Variants in SLITRK6 observed in about 807,000 individuals in gnomAD.
SLITRK6 encodes the protein SLIT and NTRK like family member 6, also known as SLIT and NTRK-like protein 6.
SLITRK6 carries 35 observed loss-of-function variants against 55.6 expected under a neutral mutation model. The ratio of observed to expected loss-of-function variants is 0.63; its 90% CI spans 0.48 to 0.83. The LOEUF is 0.83. Among genes scored for constraint, SLITRK6 ranks in the 40% least tolerant of loss-of-function variants. SLITRK6 has a pLI of 0.00. For missense variants in SLITRK6, 977 were observed against 986.4 expected (o/e 0.99, Z 0.13); for synonymous variants, 392 against 359.6 (o/e 1.09, Z -1.02).
chr13:85,796,122 C>T lies in SLITRK6; in HGVS notation c.387G>A (p.Glu129=), dbSNP rs757396044. The part of the protein sequence containing the change: ...INHNSLEILK[E]DTFHGLENLE... ...GGTTTTCCAGTCCATGGAAAGTATC[C>T]TCTTTAAGAATTTCTAAAGAATTGT... Residue 129 remains glutamate (E), a synonymous_variant, in exon 2 of 2, where the codon GAG becomes GAA. Transcript: ENST00000647374. 5 of 1,612,108 alleles carry T rather than the reference C, an allele frequency of 3.1e-6. No homozygotes were observed. The highest frequency in any genetic ancestry group is 4.2e-6 in the Non-Finnish European group (5 of 1,179,276).
In SLITRK6 at chr13:85,796,447, T is replaced by C; in HGVS notation, c.62A>G (p.Gln21Arg). Residue 21 changes from glutamine (Q) to arginine (R), a missense_variant, in exon 2 of 2, where the codon CAA (glutamine) becomes CGA (arginine). Coordinates refer to ENST00000647374, the MANE Select transcript of SLITRK6 (RefSeq NM_032229.3). ...GCCTCTGGATGAGAGCACTGGAGTT[T>C]GGGAGTGTAAAGATATACAGGCAAG... Reference protein sequence around the residue: ...SLLACISLHSQTPVLSSRGSC... With the variant: ...SLLACISLHSRTPVLSSRGSC... The C allele has an allele frequency of 6.2e-7, 1 of 1,604,310 alleles. No individual in the cohort carries two copies.
Position 85,795,004 on chromosome 13 carries a change from ATAT to A in SLITRK6, c.1502_1504del (p.Asn501del). ...GGTTAGCAAATCAAGATCATCCAAAATATTACTTACAGGTAGATGGGTAAACTG... is the reference window on the plus strand; with the variant it reads ...GGTTAGCAAATCAAGATCATCCAAAATACTTACAGGTAGATGGGTAAACTG... On this transcript the variant is annotated inframe_deletion, in exon 2 of 2. Transcript: ENST00000647374. 6 of 1,613,050 alleles carry A rather than the reference ATAT, an allele frequency of 3.7e-6. No homozygotes were observed. Among genetic ancestry groups the A allele is most frequent in the Non-Finnish European group, 5.1e-6 (6 of 1,179,430 alleles).
In SLITRK6 at chr13:85,793,758, A is replaced by G. The variant is rs964131231; in HGVS notation, c.*225T>C. 1.0e-4 allele frequency: 46 copies of G among 440,208 alleles called. No homozygotes were observed. Among genetic ancestry groups the G allele is most frequent in the Middle Eastern group, 6.1e-4 (1 of 1,640 alleles). The allele number at this position is 440,208 out of a possible 1,614,324, so 27.3% of individuals were successfully genotyped here. On this transcript the variant is annotated 3_prime_UTR_variant, in exon 2 of 2. Coordinates refer to ENST00000647374, the MANE Select transcript of SLITRK6 (RefSeq NM_032229.3). ...TTACTATAATCCTTGAATGATTTAC[A>G]TGCAAGGATTTATTTTATTTGGGAC...
At position 85,794,331 on chromosome 13, in the gene SLITRK6, A is replaced by G. The variant is rs1442331480; in HGVS notation, c.2178T>C (p.Asn726=). The change falls in exon 2 of 2, where the codon AAT becomes AAC. Residue 726 remains asparagine (N), a synonymous_variant. Coordinates refer to ENST00000647374, the MANE Select transcript of SLITRK6 (RefSeq NM_032229.3). The part of the protein sequence containing the change: ...HLQRSLLEQE[N]HSPLTGSNMK... The stretch of plus-strand genomic sequence containing the variant: ...TATTTGACCCTGTGAGTGGTGAATG[A>G]TTTTCCTGTTCCAAAAGACTTCTTT... 7 of 1,613,192 alleles carry G rather than the reference A, an allele frequency of 4.3e-6. No homozygotes were observed. The highest frequency in any genetic ancestry group is 4.2e-6 in the Non-Finnish European group (5 of 1,179,536).
At position 85,793,663 on chromosome 13, in the gene SLITRK6, A is replaced by T; in HGVS notation, c.*320T>A. The T allele has an allele frequency of 9.0e-6, 2 of 221,550 alleles. No homozygotes were observed. Among genetic ancestry groups the T allele is most frequent in the African/African-American group, 2.3e-5 (1 of 44,158 alleles). The allele number at this position is 221,550 out of a possible 1,614,324, so 13.7% of individuals were successfully genotyped here. On this transcript the variant is annotated 3_prime_UTR_variant, in exon 2 of 2. Transcript: ENST00000647374. ...GGAAAGCAATTCAAGAAAATTCGGG[A>T]TACTTAAATGTTCAGCCTTTTTAGA... is the stretch of plus-strand genomic sequence containing the variant.
At position 85,793,623 on chromosome 13, in the gene SLITRK6, G is replaced by T. The variant is rs184678019; in HGVS notation, c.*360C>A. 5.6e-6 allele frequency: 1 copy of T among 179,428 alleles called. No homozygotes were observed. Among genetic ancestry groups the T allele is most frequent in the Non-Finnish European group, 1.2e-5 (1 of 85,820 alleles). 11.1% of individuals were successfully genotyped at this position (179,428 alleles called of 1,614,324 possible). A position where few individuals can be genotyped will look rare whatever the true frequency, so the allele number is the denominator to read the frequency against. On this transcript the variant is annotated 3_prime_UTR_variant, in exon 2 of 2. Transcript: ENST00000647374. ...GGTTTTTAAATGATGAAATCCAATTGTAATTAATCTATAGGGAAAGCAATT... is the reference window on the plus strand; with the variant it reads ...GGTTTTTAAATGATGAAATCCAATTTTAATTAATCTATAGGGAAAGCAATT...
Position 85,796,535 on chromosome 13 carries a change from G to A in SLITRK6, c.-24-3C>T. On this transcript the variant is annotated splice_region_variant and splice_polypyrimidine_tract_variant and intron_variant, in intron 1 of 1. Transcript: ENST00000647374. ...TTGTCATGTGATGAAATCCGATTCT[G>A]TAAAATAAAACGCAATAGCAAGGGA... is the stretch of plus-strand genomic sequence containing the variant. 1 of 1,497,848 alleles carries A rather than the reference G, an allele frequency of 6.7e-7. No individual in the cohort carries two copies. Among genetic ancestry groups the A allele is most frequent in the South Asian group, 1.4e-5 (1 of 69,506 alleles). The allele number at this position is 1,497,848 out of a possible 1,614,324, so 92.8% of individuals were successfully genotyped here.
chr13:85,796,614 G>T (rs1874734313), intron 1 of SLITRK6, 82 bp from the exon 2 acceptor site: 2 of 1,164,004 alleles, frequency 1.7e-6, no homozygotes, highest in South Asian at 2.8e-5. Context: ...AAAATAATAG[G>T]TTTTTCTCCA....
chr13:85,795,927 T>C lies in SLITRK6; in HGVS notation c.582A>G (p.Gln194=), dbSNP rs1284534053. The C allele has an allele frequency of 7.4e-6, 12 of 1,612,996 alleles. No homozygotes were observed. Among genetic ancestry groups the C allele is most frequent in the Non-Finnish European group, 1.0e-5 (12 of 1,179,414 alleles). The change falls in exon 2 of 2, where the codon CAA becomes CAG. Residue 194 remains glutamine (Q), a synonymous_variant. Coordinates refer to ENST00000647374, the MANE Select transcript of SLITRK6 (RefSeq NM_032229.3). The part of the protein sequence containing the change: ...PLTHLDLRGN[Q]LQTLPYVGFL... Reference sequence around the variant, plus strand: ...AACCAACATAAGGCAATGTTTGTAATTGATTTCCACGAAGATCTAGATGGG... The same window carrying C: ...AACCAACATAAGGCAATGTTTGTAACTGATTTCCACGAAGATCTAGATGGG...
Position 85,795,101 on chromosome 13 carries a change from G to A in SLITRK6, c.1408C>T (p.Leu470Phe), listed in dbSNP as rs1053194423. ...ATATGTGGTGGTAAAACTTGGAGGA[G>A]GTTGTTATTTAAATACAGGACTTTA... ...KLKVLYLNNN[L>F]LQVLPPHIFS... Residue 470 changes from leucine to phenylalanine, a missense_variant, in exon 2 of 2, where the codon CTC becomes TTC. Coordinates refer to ENST00000647374, the MANE Select transcript of SLITRK6 (RefSeq NM_032229.3). 3 of 1,612,956 alleles carry A rather than the reference G, an allele frequency of 1.9e-6. No homozygotes were observed. The highest frequency in any genetic ancestry group is 2.5e-6 in the Non-Finnish European group (3 of 1,179,370).
At position 85,794,484 on chromosome 13, in the gene SLITRK6, G is replaced by A; in HGVS notation, c.2025C>T (p.Ala675=). The change falls in exon 2 of 2, where the codon GCC becomes GCT. Residue 675 remains alanine, a synonymous_variant. Transcript: ENST00000647374. ...TTHHTTERPS[A]SLYEQHMVSP... Reference sequence around the variant, plus strand: ...TCACCATGTGCTGTTCATAGAGTGAGGCAGAGGGTCTTTCAGTAGTGTGAT... The same window carrying A: ...TCACCATGTGCTGTTCATAGAGTGAAGCAGAGGGTCTTTCAGTAGTGTGAT... The A allele has an allele frequency of 7.4e-6, 12 of 1,613,386 alleles. No individual in the cohort carries two copies. The highest frequency in any genetic ancestry group is 1.0e-5 in the Non-Finnish European group (12 of 1,179,580).
Position 85,793,928 on chromosome 13 carries a change from G to A in SLITRK6, c.*55C>T. ...CTCACGTAAGGCACTTATTTACAAG[G>A]TATGGACTTAAAACAGAATCACAGC... On this transcript the variant is annotated 3_prime_UTR_variant, in exon 2 of 2. Transcript: ENST00000647374. The A allele has an allele frequency of 6.5e-7, 1 of 1,538,334 alleles. No individual in the cohort carries two copies. The highest frequency in any genetic ancestry group is 8.7e-7 in the Non-Finnish European group (1 of 1,145,236).
chr13:85,796,006 T>C lies in SLITRK6; in HGVS notation c.503A>G (p.Asn168Ser), dbSNP rs1382173451. The change falls in exon 2 of 2, where the codon AAT becomes AGT. Residue 168 changes from asparagine to serine, a missense_variant. By Grantham distance (46) the Asn-to-Ser change is conservative. Transcript: ENST00000647374. Reference protein sequence around the residue: ...KLNRLKVLILNDNAIESLPPN... With the variant: ...KLNRLKVLILSDNAIESLPPN... ...AGGAAGACTCTCAATAGCATTGTCA[T>C]TTAAAATTAACACTTTGAGTCTGTT... 6.2e-7 allele frequency: 1 copy of C among 1,613,142 alleles called. No homozygotes were observed. Among genetic ancestry groups the C allele is most frequent in the Non-Finnish European group, 8.5e-7 (1 of 1,179,438 alleles).
Position 85,795,263 on chromosome 13 carries a change from G to A in SLITRK6, c.1246C>T (p.Leu416Phe). The A allele has an allele frequency of 1.2e-6, 2 of 1,612,632 alleles. No homozygotes were observed. Among genetic ancestry groups the A allele is most frequent in the South Asian group, 2.2e-5 (2 of 91,036 alleles). Residue 416 changes from leucine (L) to phenylalanine (F), a missense_variant, in exon 2 of 2, where the codon CTC (leucine) becomes TTC (phenylalanine). Leu to Phe is a conservative substitution (Grantham distance 22). Transcript: ENST00000647374. ...GTCAGGTGGTTACCATTTAGATAGA[G>A]TTTTTGTAATCTCGTTAGGTTCATA... The part of the protein sequence containing the change: ...SFMNLTRLQK[L>F]YLNGNHLTKL...
rs1332734665 is a variant in SLITRK6, at chr13:85,793,578, A to G, written c.*405T>C. On this transcript the variant is annotated 3_prime_UTR_variant, in exon 2 of 2. Coordinates refer to ENST00000647374, the MANE Select transcript of SLITRK6 (RefSeq NM_032229.3). Reference sequence around the variant, plus strand: ...ATAAACAATGTATTCCTTACATATTATAACTACATATACAAGTATGGTTTT... The same window carrying G: ...ATAAACAATGTATTCCTTACATATTGTAACTACATATACAAGTATGGTTTT... The G allele has an allele frequency of 6.2e-6, 1 of 160,358 alleles. No individual in the cohort carries two copies. The highest frequency in any genetic ancestry group is 1.9e-4 in the East Asian group (1 of 5,362). 9.9% of individuals were successfully genotyped at this position (160,358 alleles called of 1,614,324 possible). A position where few individuals can be genotyped will look rare whatever the true frequency, so the allele number is the denominator to read the frequency against.
At position 85,795,872 on chromosome 13, in the gene SLITRK6, G is replaced by A. The variant is rs940972943; in HGVS notation, c.637C>T (p.Leu213Phe). 2.5e-6 allele frequency: 4 copies of A among 1,612,884 alleles called. No individual in the cohort carries two copies. The African/African-American group carries it at 5.3e-5, about 22-fold the overall frequency. The change falls in exon 2 of 2, where the codon CTT becomes TTT. Residue 213 changes from leucine to phenylalanine, a missense_variant. Physicochemically the swap from Leu to Phe is conservative, Grantham distance 22. Coordinates refer to ENST00000647374, the MANE Select transcript of SLITRK6 (RefSeq NM_032229.3). ...FLEHIGRILD[L>F]QLEDNKWACN... Reference sequence around the variant, plus strand: ...GCCCATTTGTTGTCCTCCAACTGAAGATCCAATATTCGGCCAATGTGTTCG... The same window carrying A: ...GCCCATTTGTTGTCCTCCAACTGAAAATCCAATATTCGGCCAATGTGTTCG...
Position 85,793,900 on chromosome 13 carries a change from A to G in SLITRK6, c.*83T>C. On this transcript the variant is annotated 3_prime_UTR_variant, in exon 2 of 2. Coordinates refer to ENST00000647374, the MANE Select transcript of SLITRK6 (RefSeq NM_032229.3). ...CTGTGCTTAGGTTCTGATTGATGACACACTCACGTAAGGCACTTATTTACA... is the reference window on the plus strand; with the variant it reads ...CTGTGCTTAGGTTCTGATTGATGACGCACTCACGTAAGGCACTTATTTACA... 1 of 1,452,096 alleles carries G rather than the reference A, an allele frequency of 6.9e-7. No homozygotes were observed. The highest frequency in any genetic ancestry group is 9.2e-7 in the Non-Finnish European group (1 of 1,085,710). 90.0% of individuals were successfully genotyped at this position (1,452,096 alleles called of 1,614,324 possible). A position where few individuals can be genotyped will look rare whatever the true frequency, so the allele number is the denominator to read the frequency against.
At chr13:85,797,973 A>C (rs192388353) in intron 1 of SLITRK6, among the ~76,000 whole-genome samples, 1 of 152,024 alleles carries the variant, frequency 6.6e-6, no homozygotes, top group Admixed American at 6.6e-5. Context: ...TAAAATTCAC[A>C]ATCAGGTAAA....
chr13:85,798,322 G>A (rs903467192), intron 1 of SLITRK6, among the ~76,000 whole-genome samples: 3 of 151,858 alleles, frequency 2.0e-5, no homozygotes, highest in Non-Finnish European at 4.4e-5. Context: ...TAGCATCAGA[G>A]AAAATAGTAA....
Sources: gnomAD v4.1 joint callset for allele counts (sites outside exome capture counted in the v4.1 genomes callset) on GRCh38, gnomAD v4.1.1 for gene constraint, MANE v1.5 for transcripts, NCBI Gene and HGNC (gene_info 2026-07-23, HGNC 2026-07-21) for gene names.